The following NALCN variants were observed in gnomAD, a reference collection of about 807,000 sequenced individuals.
NALCN encodes sodium leak channel, non-selective.
A neutral mutation model predicts 225.3 loss-of-function variants in NALCN; 111 were observed. That is an observed-to-expected ratio of 0.49 (90% CI 0.42 to 0.58). NALCN has a LOEUF of 0.58. Among genes scored for constraint, NALCN ranks in the 20% least tolerant of loss-of-function variants. NALCN has a pLI of 0.00. For missense variants in NALCN, 1,378 were observed against 2,202.4 expected (o/e 0.63, Z 7.49); for synonymous variants, 764 against 769.0 (o/e 0.99, Z 0.11).
At chr13:101,064,995 A>G (rs2032250197) in intron 40 of NALCN, among the ~76,000 whole-genome samples, 2 of 152,180 alleles carry the variant, frequency 1.3e-5, no homozygotes, top group Admixed American at 6.5e-5. Flanking sequence ...GACCCATGCA[A>G]GTGAGGTGCT....
chr13:101,410,226 T>C (rs998766251), intron 1 of NALCN, among the ~76,000 whole-genome samples: 12 of 152,166 alleles, frequency 7.9e-5, no homozygotes, highest in African/African-American at 2.7e-4. Flanking sequence ...TCTTTAAGGG[T>C]GGAAAACAGG....
chr13:101,396,224 C>T (rs979614786), intron 2 of NALCN, among the ~76,000 whole-genome samples: 7 of 151,908 alleles, frequency 4.6e-5, no homozygotes, highest in African/African-American at 1.7e-4. Context: ...CATACAATCA[C>T]TCATACTCAA....
intron 37 of NALCN, among the ~76,000 whole-genome samples, 198 bp downstream of exon 37, chr13:101,073,386 T>C (rs1264040571): frequency 1.3e-5 from 2 of 152,178 alleles, no homozygotes; most frequent in African/African-American, 4.8e-5. Flanking sequence ...ATAGCTCAAG[T>C]TGGGTTAATT....
chr13:101,357,854 C>T (rs532890590), intron 6 of NALCN, among the ~76,000 whole-genome samples: 2 of 152,226 alleles, frequency 1.3e-5, no homozygotes, highest in South Asian at 4.1e-4. Context: ...ACCAATGGAA[C>T]AGAACAGAGA....
intron 40 of NALCN, among the ~76,000 whole-genome samples, chr13:101,062,614 T>C (rs2032046004): frequency 6.6e-6 from 1 of 152,080 alleles, no homozygotes; most frequent in African/African-American, 2.4e-5. Flanking sequence ...TAATTTTTTC[T>C]TTTTTTGAGA....
chr13:101,134,541 A>G (rs2036673856), intron 17 of NALCN, among the ~76,000 whole-genome samples: 1 of 152,240 alleles, frequency 6.6e-6, no homozygotes, highest in South Asian at 2.1e-4. Context: ...ATATTAAAGT[A>G]TTACTTTTTC....
intron 11 of NALCN, among the ~76,000 whole-genome samples, chr13:101,242,039 ACT>A (rs1476380711): frequency 9.5e-6 from 1 of 105,496 alleles, no homozygotes; most frequent in African/African-American, 3.4e-5. Context: ...TTTTTTGCAC[ACT>A]CTGCTGAACA....
chr13:101,382,880 G>T (rs2139440837), intron 3 of NALCN, among the ~76,000 whole-genome samples: 1 of 152,256 alleles, frequency 6.6e-6, no homozygotes, highest in East Asian at 1.9e-4. Flanking sequence ...ATGCTAGATG[G>T]TATGCAGTGG....
At chr13:101,291,736 G>T (rs905509502) in intron 9 of NALCN, among the ~76,000 whole-genome samples, 5 of 152,016 alleles carry the variant, frequency 3.3e-5, no homozygotes, top group African/African-American at 1.2e-4. Flanking sequence ...TTTTTGTAGA[G>T]ACAGGGTCTT....
chr13:101,245,325 A>T (rs1192926161), intron 11 of NALCN, among the ~76,000 whole-genome samples: 2 of 152,212 alleles, frequency 1.3e-5, no homozygotes, highest in Non-Finnish European at 2.9e-5. Context: ...ACTTTAAGAA[A>T]ACTTAGAAAC....
At chr13:101,178,963 CAGG>C (rs1447058187) in intron 14 of NALCN, among the ~76,000 whole-genome samples, 4 of 152,100 alleles carry the variant, frequency 2.6e-5, no homozygotes, top group African/African-American at 9.7e-5. Context: ...CGTGGGTTGG[CAGG>C]AGATTTTATT....
chr13:101,343,835 T>C (rs1045644708), intron 7 of NALCN, among the ~76,000 whole-genome samples: 5 of 152,210 alleles, frequency 3.3e-5, no homozygotes, highest in African/African-American at 1.2e-4. Flanking sequence ...TCAACTTGAA[T>C]ATAATGCTGC....
intron 11 of NALCN, among the ~76,000 whole-genome samples, chr13:101,240,664 CT>C (rs778859002): frequency 7.9e-5 from 12 of 152,010 alleles, no homozygotes; most frequent in Non-Finnish European, 1.6e-4. Context: ...CCATAACTTG[CT>C]CCTTGTTTTC....
At chr13:101,348,749 C>T (rs1267909689) in intron 6 of NALCN, among the ~76,000 whole-genome samples, 1 of 152,012 alleles carries the variant, frequency 6.6e-6, no homozygotes, top group Non-Finnish European at 1.5e-5. Context: ...TCAGAGGCAG[C>T]AGGCTTGAAA....
chr13:101,231,983 G>T (rs1021633212), intron 12 of NALCN, among the ~76,000 whole-genome samples: 1 of 149,782 alleles, frequency 6.7e-6, no homozygotes, highest in African/African-American at 2.5e-5. Context: ...CCTTTAATAA[G>T]AAATGTTCTA....
intron 9 of NALCN, among the ~76,000 whole-genome samples, chr13:101,286,864 T>TACACAC (rs71121180): frequency 0.15 from 21,715 of 146,900 alleles, 1,809 homozygotes; most frequent in East Asian, 0.3. Flanking sequence ...CCAGGTATTA[T>TACACAC]ACACACACAC....
intron 10 of NALCN, among the ~76,000 whole-genome samples, chr13:101,273,600 T>C (rs901709647): frequency 6.6e-6 from 1 of 152,052 alleles, no homozygotes; most frequent in Admixed American, 6.6e-5. Context: ...TTAGAAACAC[T>C]CAGAATTCCT....
intron 6 of NALCN, among the ~76,000 whole-genome samples, chr13:101,375,339 A>T (rs1250567999): frequency 1.3e-5 from 2 of 152,198 alleles, no homozygotes; most frequent in African/African-American, 2.4e-5. Context: ...TTCATTGAGG[A>T]GTAACCTAAA....
chr13:101,377,144 T>C, intron 4 of NALCN, 88 bp from the exon 5 acceptor site: 9 of 1,503,256 alleles, frequency 6.0e-6, no homozygotes, highest in Non-Finnish European at 7.3e-6. Flanking sequence ...GCAGCATAAG[T>C]AGGTGCACCT....
Sources: allele counts gnomAD v4.1 joint callset (sites outside exome capture counted in the v4.1 genomes callset), GRCh38; gene constraint gnomAD v4.1.1; transcripts MANE v1.5; gene names NCBI Gene and HGNC (gene_info 2026-07-23, HGNC 2026-07-21).